The following CSTPP1 variants were observed in gnomAD, a reference collection of about 807,000 sequenced individuals.
CSTPP1 encodes centriolar satellite-associated tubulin polyglutamylase complex regulator 1.
the CSTPP1 span, chr11:46,936,828 C>T: frequency 6.2e-7 from 1 of 1,605,180 alleles, no homozygotes; most frequent in Non-Finnish European, 8.5e-7. Flanking sequence ...GAGCGCCTAG[C>T]CCTACCGGAC....
chr11:47,032,091 C>T, the CSTPP1 span, among the ~76,000 whole-genome samples: 32 of 152,256 alleles, frequency 2.1e-4, no homozygotes, highest in African/African-American at 7.7e-4. Context: ...AGCCCACCGA[C>T]TCAAAGTTAA....
the CSTPP1 span, chr11:47,157,365 A>G: frequency 7.5e-6 from 7 of 929,692 alleles, no homozygotes; most frequent in African/African-American, 5.1e-5. Context: ...TTTGCCCCCA[A>G]ACCAGTTGTT....
the CSTPP1 span, among the ~76,000 whole-genome samples, chr11:46,995,703 G>A: frequency 6.6e-6 from 1 of 152,104 alleles, no homozygotes; most frequent in South Asian, 2.1e-4. Flanking sequence ...CCAACTATGT[G>A]GTCAATTTTG....
the CSTPP1 span, among the ~76,000 whole-genome samples, chr11:47,151,908 TAAC>T: frequency 1.7e-4 from 26 of 152,062 alleles, no homozygotes; most frequent in East Asian, 4.6e-3. Context: ...AGAATGGAAA[TAAC>T]AATAAGACCC....
the CSTPP1 span, among the ~76,000 whole-genome samples, chr11:46,996,121 A>G: frequency 6.6e-6 from 1 of 151,362 alleles, no homozygotes; most frequent in African/African-American, 2.4e-5. Flanking sequence ...TTTGTTTTCC[A>G]TTTGCATGGT....
the CSTPP1 span, among the ~76,000 whole-genome samples, chr11:47,038,657 G>T: frequency 1.6e-5 from 2 of 121,684 alleles, 1 homozygote; most frequent in Non-Finnish European, 4.0e-5. Context: ...TCTCCCGGAC[G>T]GGGTGGCTGG....
the CSTPP1 span, among the ~76,000 whole-genome samples, chr11:47,086,241 A>C: frequency 6.8e-4 from 96 of 142,008 alleles, 1 homozygote; most frequent in Middle Eastern, 3.5e-3. Flanking sequence ...ATCCAAAAAA[A>C]AAAAAAAAAA....
the CSTPP1 span, among the ~76,000 whole-genome samples, chr11:46,953,738 A>G: frequency 1.3e-5 from 2 of 152,232 alleles, no homozygotes; most frequent in South Asian, 4.1e-4. Flanking sequence ...ATAAGTAAGA[A>G]TTTTCTCAAT....
the CSTPP1 span, among the ~76,000 whole-genome samples, chr11:47,089,054 T>C: frequency 7.2e-5 from 11 of 152,190 alleles, no homozygotes; most frequent in African/African-American, 2.7e-4. Flanking sequence ...AGTGTCCTTT[T>C]CTCATTTCCA....
the CSTPP1 span, chr11:46,936,823 C>T: frequency 6.2e-7 from 1 of 1,606,668 alleles, no homozygotes; most frequent in Non-Finnish European, 8.5e-7. Context: ...GTCCGGAGCG[C>T]CTAGCCCTAC....
chr11:47,127,210 C>A, the CSTPP1 span, among the ~76,000 whole-genome samples: 1 of 152,154 alleles, frequency 6.6e-6, no homozygotes, highest in Non-Finnish European at 1.5e-5. Context: ...CTTGCTTGAG[C>A]CTCATTTTCC....
At chr11:47,160,802 A>G in the CSTPP1 span, 95,894 of 364,586 alleles carry the variant, frequency 0.26, 15,212 homozygotes, top group African/African-American at 0.52. Context: ...TCAGCCCAGT[A>G]CCTGAGGCCT....
chr11:47,044,082 G>A, the CSTPP1 span, among the ~76,000 whole-genome samples: 1 of 151,912 alleles, frequency 6.6e-6, no homozygotes, highest in African/African-American at 2.4e-5. Flanking sequence ...TGCCTCCCAG[G>A]TTCAACCAAT....
chr11:47,158,427 T>G, the CSTPP1 span, among the ~76,000 whole-genome samples: 14 of 152,258 alleles, frequency 9.2e-5, no homozygotes, highest in Admixed American at 2.0e-4. Flanking sequence ...TGCCTGCTGT[T>G]TTTTTTCACT....
At chr11:46,959,507 TA>T in the CSTPP1 span, among the ~76,000 whole-genome samples, 2 of 152,190 alleles carry the variant, frequency 1.3e-5, no homozygotes, top group South Asian at 4.1e-4. Flanking sequence ...CTTTACTATG[TA>T]AGGTTGGGAA....
At chr11:47,022,034 GGTT>G in the CSTPP1 span, among the ~76,000 whole-genome samples, 1 of 149,668 alleles carries the variant, frequency 6.7e-6, no homozygotes, top group Non-Finnish European at 1.5e-5. Context: ...CCACATATAT[GGTT>G]TTTTTTTTTT....
the CSTPP1 span, among the ~76,000 whole-genome samples, chr11:47,151,596 G>T: frequency 4.0e-4 from 2 of 4,994 alleles, no homozygotes; most frequent in Non-Finnish European, 3.9e-3. Context: ...GCAGAGGGTG[G>T]CGGGGGGAAG....
chr11:47,022,514 C>T, the CSTPP1 span, among the ~76,000 whole-genome samples: 10 of 151,736 alleles, frequency 6.6e-5, no homozygotes, highest in Non-Finnish European at 1.0e-4. Context: ...GGACTACAGG[C>T]GTGCGCCACC....
the CSTPP1 span, among the ~76,000 whole-genome samples, chr11:47,086,842 C>T: frequency 3.3e-4 from 50 of 152,130 alleles, no homozygotes; most frequent in African/African-American, 1.1e-3. Flanking sequence ...ATAATACTGA[C>T]GGAGAAGGAA....
Sources: gnomAD v4.1 joint callset for allele counts (sites outside exome capture counted in the v4.1 genomes callset) on GRCh38, gnomAD v4.1.1 for gene constraint, MANE v1.5 for transcripts, NCBI Gene and HGNC (gene_info 2026-07-23, HGNC 2026-07-21) for gene names.